The following SPTB variants were observed in gnomAD, a reference collection of about 807,000 sequenced individuals.
SPTB encodes the protein spectrin beta, erythrocytic.
In SPTB, 45 loss-of-function variants were observed where a neutral mutation model predicts 256.2. The observed-to-expected ratio is 0.18, with a 90% CI of 0.14 to 0.23. The LOEUF is 0.23. Among genes scored for constraint, SPTB ranks in the 10% least tolerant of loss-of-function variants. The pLI is 1.00. For synonymous variants in SPTB, 1,231 were observed against 1,243.1 expected (o/e 0.99, Z 0.21); for missense variants, 2,715 against 3,040.4 (o/e 0.89, Z 2.52).
chr14:64,765,017 A>AGTGTGT (rs749379191), intron 32 of SPTB, among the ~76,000 whole-genome samples: 10 of 108,820 alleles, frequency 9.2e-5, no homozygotes, highest in African/African-American at 3.5e-4. Flanking sequence ...GCCACAGAGG[A>AGTGTGT]GTGTGTGCGT....
In SPTB at chr14:64,843,119, A is replaced by G. The variant is rs566441172; in HGVS notation, c.-51-19974T>C. On this transcript the variant is annotated intron_variant, in intron 1 of 35. Transcript: ENST00000644917. ...AAGTAGAAACTTTTTATCATCAGAC[A>G]TAGGCTATCCAGCGTTTACATGGGT... is the stretch of plus-strand genomic sequence containing the variant. Among the ~76,000 whole-genome samples, 322 of 152,350 alleles carry G rather than the reference A, an allele frequency of 2.1e-3. 1 individual carries two copies. Among genetic ancestry groups the G allele is most frequent in the Non-Finnish European group, 4.0e-3 (270 of 68,030 alleles).
At chr14:64,773,543 C>T (rs1177794693) in intron 24 of SPTB, 119 bp from the exon 25 acceptor site, 2 of 1,090,352 alleles carry the variant, frequency 1.8e-6, no homozygotes, top group East Asian at 2.4e-5. Flanking sequence ...GGGAGTGAAG[C>T]TCTGGAGAAA....
intron 1 of SPTB, among the ~76,000 whole-genome samples, chr14:64,848,951 C>T (rs914526919): frequency 6.6e-6 from 1 of 152,200 alleles, no homozygotes; most frequent in African/African-American, 2.4e-5. Flanking sequence ...CCTACACTCA[C>T]AGAGCTTTGA....
At chr14:64,832,905 A>G (rs372253135) in intron 1 of SPTB, among the ~76,000 whole-genome samples, 60 of 152,286 alleles carry the variant, frequency 3.9e-4, no homozygotes, top group African/African-American at 1.4e-3. Context: ...TTGGCCTACT[A>G]AACTAGCCCA....
Position 64,779,283 on chromosome 14 carries a change from A to G in SPTB, c.4474-37T>C. 2 of 1,568,644 alleles carry G rather than the reference A, an allele frequency of 1.3e-6. No individual in the cohort carries two copies. The highest frequency in any genetic ancestry group is 1.7e-6 in the Non-Finnish European group (2 of 1,143,230). On this transcript the variant is annotated intron_variant, in intron 21 of 35. Coordinates refer to ENST00000644917, the MANE Select transcript of SPTB (RefSeq NM_001355436.2). The surrounding 1 kb of genome is among the most constrained non-coding windows in gnomAD (Gnocchi z 4.2). ...AGGAGGCAGGAGAGAGCTGATGACA[A>G]TCACGGCCAACCTTTCCTGAGTGCT...
rs944750835 is a variant in SPTB at position 64,824,382 on chromosome 14, A to AGG, written c.-51-1239_-51-1238dup. ...GAACTTTAAGAAGTAACGGGAAGGC[A>AGG]GGGGTGGAGTCAGGGGAGAAAAGTG... On this transcript the variant is annotated intron_variant, in intron 1 of 35. Transcript: ENST00000644917. This position sits in a 1 kb window ranked among gnomAD's most constrained non-coding sequence, Gnocchi z 5.7. Among the ~76,000 whole-genome samples the AGG allele has an allele frequency of 1.3e-5, 2 of 152,134 alleles. No homozygotes were observed. Among genetic ancestry groups the AGG allele is most frequent in the African/African-American group, 4.8e-5 (2 of 41,424 alleles).
intron 23 of SPTB, among the ~76,000 whole-genome samples, chr14:64,774,855 G>C (rs1469286804): frequency 2.6e-5 from 4 of 151,766 alleles, no homozygotes; most frequent in Non-Finnish European, 2.9e-5. Flanking sequence ...CTTTCATAGC[G>C]TACAGAATCC....
intron 15 of SPTB, 139 bp downstream of exon 15, chr14:64,791,580 A>C: frequency 1.2e-6 from 1 of 838,732 alleles, no homozygotes; most frequent in African/African-American, 1.8e-5. Flanking sequence ...AAAAAAAAAA[A>C]AAAAAAAAAA....
At chr14:64,762,851 C>T (rs2082113513) in intron 32 of SPTB, among the ~76,000 whole-genome samples, 1 of 152,220 alleles carries the variant, frequency 6.6e-6, no homozygotes, top group African/African-American at 2.4e-5. Flanking sequence ...CTGGATCTAG[C>T]CTTGGGGCTT....
rs1213114721 is a variant in SPTB, at chr14:64,873,064, C to T, written c.-52+6728G>A. Among the ~76,000 whole-genome samples, 1 of 152,176 alleles carries T rather than the reference C, an allele frequency of 6.6e-6. No individual in the cohort carries two copies. The highest frequency in any genetic ancestry group is 1.5e-5 in the Non-Finnish European group (1 of 68,030). The stretch of plus-strand genomic sequence containing the variant: ...CTCCCAAACATCCCATGCCTCTCTC[C>T]CCACTTCATTTGAGTCTCAGCCCAA... On this transcript the variant is annotated intron_variant, in intron 1 of 35. Coordinates refer to ENST00000644917, the MANE Select transcript of SPTB (RefSeq NM_001355436.2). This position sits in a 1 kb window ranked among gnomAD's most constrained non-coding sequence, Gnocchi z 4.3.
At chr14:64,763,895 G>GCA (rs1054414326) in intron 32 of SPTB, 2 of 518,612 alleles carry the variant, frequency 3.9e-6, no homozygotes, top group Non-Finnish European at 7.7e-6. Flanking sequence ...GTCACCACGT[G>GCA]CACACACACG....
In SPTB at chr14:64,800,854, T is replaced by G; in HGVS notation, c.778A>C (p.Asn260His). ...GTGATGATGGATTTCTCATCAGGGT[T>G]TTCCGTAAAGACATCTGTTAGGGAA... ...LLDPEDVFTENPDEKSIITYV... is the reference protein window; with the variant it reads ...LLDPEDVFTEHPDEKSIITYV... Residue 260 changes from asparagine to histidine, a missense_variant, in exon 8 of 36, where the codon AAC becomes CAC. Coordinates refer to ENST00000644917, the MANE Select transcript of SPTB (RefSeq NM_001355436.2). The G allele has an allele frequency of 6.2e-7, 1 of 1,614,068 alleles. No homozygotes were observed. Among genetic ancestry groups the G allele is most frequent in the Non-Finnish European group, 8.5e-7 (1 of 1,179,984 alleles).
intron 32 of SPTB, among the ~76,000 whole-genome samples, chr14:64,762,106 A>C (rs918439513): frequency 6.6e-6 from 1 of 152,206 alleles, no homozygotes; most frequent in Non-Finnish European, 1.5e-5. Context: ...CCAGGGAGCC[A>C]GGCGCAGTGC....
At chr14:64,814,812 G>T (rs1000412909) in intron 2 of SPTB, among the ~76,000 whole-genome samples, 2 of 152,164 alleles carry the variant, frequency 1.3e-5, no homozygotes, top group African/African-American at 4.8e-5. Flanking sequence ...AGCTCCTATT[G>T]CATTTTTAGA....
At chr14:64,750,471 A>G (rs2081928205) in intron 33 of SPTB, among the ~76,000 whole-genome samples, 6 of 152,234 alleles carry the variant, frequency 3.9e-5, no homozygotes, top group African/African-American at 1.2e-4. Context: ...GTATTTCTCC[A>G]TATCCTCAAA....
intron 4 of SPTB, 83 bp downstream of exon 4, chr14:64,803,524 C>G: frequency 1.9e-6 from 3 of 1,557,474 alleles, no homozygotes; most frequent in East Asian, 4.5e-5. Flanking sequence ...AACACCCACA[C>G]TCTGTTCAGC....
intron 2 of SPTB, among the ~76,000 whole-genome samples, chr14:64,808,484 A>C (rs777228537): frequency 6.6e-6 from 1 of 152,186 alleles, no homozygotes; most frequent in Non-Finnish European, 1.5e-5. Flanking sequence ...GTTTAGTTTC[A>C]GGTCAAATAC....
At chr14:64,754,400 C>T (rs1389151439) in intron 32 of SPTB, 1 of 166,420 alleles carries the variant, frequency 6.0e-6, no homozygotes, top group Non-Finnish European at 1.3e-5. Flanking sequence ...CTTTCTCCAT[C>T]ATTTGATGGG....
intron 2 of SPTB, among the ~76,000 whole-genome samples, chr14:64,819,391 T>C (rs892321277): frequency 3.9e-5 from 6 of 152,212 alleles, no homozygotes; most frequent in East Asian, 1.9e-4. Context: ...CTTCCAACCA[T>C]AGGTCATTAA....
Sources: allele counts gnomAD v4.1 joint callset (sites outside exome capture counted in the v4.1 genomes callset), GRCh38; gene constraint gnomAD v4.1.1; non-coding constraint Gnocchi (gnomAD v3.1); transcripts MANE v1.5; gene names NCBI Gene and HGNC (gene_info 2026-07-23, HGNC 2026-07-21).